Variants in SPAG16 observed in about 807,000 individuals in gnomAD.
The protein encoded by SPAG16 is sperm-associated antigen 16 protein.
In SPAG16, 86 loss-of-function variants were observed where a neutral mutation model predicts 80.4. The ratio of observed to expected loss-of-function variants is 1.07; its 90% CI spans 0.90 to 1.28. The LOEUF is 1.28. SPAG16 is among the 50% of genes most tolerant of loss of function. SPAG16 has a pLI of 0.00. For missense variants in SPAG16, 870 were observed against 765.3 expected (o/e 1.14, Z -1.61); for synonymous variants, 294 against 265.9 (o/e 1.11, Z -1.03).
At chr2:214,287,285 CTTTT>C (rs1335411447) in intron 15 of SPAG16, among the ~76,000 whole-genome samples, 10 of 152,142 alleles carry the variant, frequency 6.6e-5, no homozygotes, top group Admixed American at 4.6e-4. Flanking sequence ...AATTTCATTT[CTTTT>C]ATCTTTTCTG....
intron 13 of SPAG16, among the ~76,000 whole-genome samples, chr2:214,069,698 T>C (rs1411393381): frequency 6.6e-6 from 1 of 152,090 alleles, no homozygotes; most frequent in Non-Finnish European, 1.5e-5. Context: ...TTCCCTTCTG[T>C]CACCTTTTTT....
At chr2:214,124,196 A>G (rs2054360532) in intron 14 of SPAG16, among the ~76,000 whole-genome samples, 1 of 152,076 alleles carries the variant, frequency 6.6e-6, no homozygotes, top group African/African-American at 2.4e-5. Context: ...TTGAAATTTA[A>G]TATACTTTGC....
At chr2:213,318,033 G>A (rs1307294517) in intron 5 of SPAG16, 2 of 152,014 alleles carry the variant, frequency 1.3e-5, no homozygotes, top group Non-Finnish European at 2.9e-5. Flanking sequence ...CACCAACCAT[G>A]TATGAGTGTT....
intron 10 of SPAG16, among the ~76,000 whole-genome samples, chr2:213,718,134 ACTT>A: frequency 8.7e-6 from 1 of 115,312 alleles, no homozygotes; most frequent in Non-Finnish European, 1.9e-5. Context: ...TCTACAAAGA[ACTT>A]AAACAAGTTT....
At chr2:214,249,564 A>G (rs1690100807) in intron 15 of SPAG16, among the ~76,000 whole-genome samples, 1 of 152,142 alleles carries the variant, frequency 6.6e-6, no homozygotes, top group Admixed American at 6.6e-5. Context: ...GTAAAAAACA[A>G]ATTATTTTTA....
chr2:213,596,382 C>A (rs2060886577), intron 10 of SPAG16, among the ~76,000 whole-genome samples: 1 of 151,944 alleles, frequency 6.6e-6, no homozygotes, highest in Non-Finnish European at 1.5e-5. Context: ...TTATTTAGGC[C>A]TTTAGTTACA....
At chr2:213,655,238 T>C (rs2063177607) in intron 10 of SPAG16, among the ~76,000 whole-genome samples, 1 of 152,222 alleles carries the variant, frequency 6.6e-6, no homozygotes, top group South Asian at 2.1e-4. Context: ...ACGAGGCATA[T>C]AGGAAGTCTC....
At chr2:213,511,464 A>G (rs1259978286) in intron 10 of SPAG16, among the ~76,000 whole-genome samples, 1 of 152,136 alleles carries the variant, frequency 6.6e-6, no homozygotes, top group African/African-American at 2.4e-5. Context: ...TTTTAAATAA[A>G]TTGGTTCTAA....
chr2:214,293,980 T>C (rs1185400259), intron 15 of SPAG16, among the ~76,000 whole-genome samples: 4 of 152,338 alleles, frequency 2.6e-5, no homozygotes, highest in East Asian at 3.9e-4. Flanking sequence ...GGATTTGTTC[T>C]TTGGGTGTAT....
intron 13 of SPAG16, among the ~76,000 whole-genome samples, chr2:214,046,904 C>A (rs2049356982): frequency 1.2e-5 from 1 of 84,700 alleles, no homozygotes. Context: ...AGTAAACAAT[C>A]TGAAAAAAAA....
chr2:214,174,441 C>G (rs1263585943), intron 15 of SPAG16, among the ~76,000 whole-genome samples: 1 of 151,892 alleles, frequency 6.6e-6, no homozygotes, highest in Non-Finnish European at 1.5e-5. Context: ...CAGTAACAGA[C>G]AAACAGAAAG....
intron 15 of SPAG16, among the ~76,000 whole-genome samples, chr2:214,407,186 T>C (rs1702040664): frequency 6.6e-6 from 1 of 152,106 alleles, no homozygotes; most frequent in South Asian, 2.1e-4. Context: ...CTACTCTGTT[T>C]TTAATCACAA....
intron 9 of SPAG16, among the ~76,000 whole-genome samples, chr2:213,473,379 A>C: frequency 6.6e-6 from 1 of 152,180 alleles, no homozygotes; most frequent in Middle Eastern, 3.2e-3. Context: ...ATTAGATCTG[A>C]CATACAGAGA....
chr2:213,700,057 C>G (rs2065337406), intron 10 of SPAG16, among the ~76,000 whole-genome samples: 1 of 152,026 alleles, frequency 6.6e-6, no homozygotes, highest in South Asian at 2.1e-4. Flanking sequence ...TTACAGTTCT[C>G]TTTGTGGTAA....
chr2:213,942,527 G>T (rs549548431), intron 12 of SPAG16, among the ~76,000 whole-genome samples: 1 of 152,074 alleles, frequency 6.6e-6, no homozygotes, highest in Non-Finnish European at 1.5e-5. Context: ...ATGTTGCCTC[G>T]GTATTTCTTC....
chr2:213,493,143 G>T lies in SPAG16; in HGVS notation c.1070+3053G>T, dbSNP rs920012924. 5.3e-5 allele frequency among the ~76,000 whole-genome samples: 8 copies of T among 152,268 alleles called. No homozygotes were observed. In the South Asian group the frequency reaches 6.2e-4, roughly 12 times the overall value. Reference sequence around the variant, plus strand: ...CTTTTATAGTTGGGCATACAATTTTGCCAGTAATACACAACTATATGACCT... The same window carrying T: ...CTTTTATAGTTGGGCATACAATTTTTCCAGTAATACACAACTATATGACCT... On this transcript the variant is annotated intron_variant, in intron 10 of 15. Transcript: ENST00000331683.
At chr2:213,431,497 T>A (rs1261774950) in intron 9 of SPAG16, among the ~76,000 whole-genome samples, 2 of 149,654 alleles carry the variant, frequency 1.3e-5, no homozygotes, top group African/African-American at 2.4e-5. Flanking sequence ...TCAGAAACTG[T>A]AAAAAAAAAG....
In SPAG16 at chr2:213,520,430, CA is replaced by C. The variant is rs753861786; in HGVS notation, c.1070+30354del. Among the ~76,000 whole-genome samples the C allele has an allele frequency of 6.1e-3, 843 of 138,570 alleles. 1 individual carries two copies. The highest frequency in any genetic ancestry group is 0.015 in the Middle Eastern group (4 of 272). The allele number at this position is 138,570 out of a possible 152,430, so 90.9% of individuals were successfully genotyped here. ...TGAAACCCCGTCTCTACTAAAAATA[CA>C]AAAAAAAAAAAAATTCGCTGGGCGT... On this transcript the variant is annotated intron_variant, in intron 10 of 15. Coordinates refer to ENST00000331683, the MANE Select transcript of SPAG16 (RefSeq NM_024532.5).
intron 10 of SPAG16, among the ~76,000 whole-genome samples, chr2:213,808,736 T>C (rs1386587527): frequency 6.6e-6 from 1 of 152,152 alleles, no homozygotes; most frequent in East Asian, 1.9e-4. Context: ...TTCATGTATA[T>C]GTAGGCTAAA....
Sources: gnomAD v4.1 joint callset for allele counts (sites outside exome capture counted in the v4.1 genomes callset) on GRCh38, gnomAD v4.1.1 for gene constraint, MANE v1.5 for transcripts, NCBI Gene and HGNC (gene_info 2026-07-23, HGNC 2026-07-21) for gene names.